ELF2: variants seen among roughly 807,000 people sequenced by gnomAD.
ELF2 encodes ETS-related transcription factor Elf-2.
ELF2 carries 11 observed loss-of-function variants against 54.8 expected under a neutral mutation model. That is an observed-to-expected ratio of 0.20 (90% CI 0.13 to 0.33). ELF2 has a LOEUF of 0.33. ELF2 is among the 10% of genes least tolerant of loss of function. The pLI is 1.00. For synonymous variants in ELF2, 203 were observed against 245.1 expected, an observed-to-expected ratio of 0.83 and a Z score of 1.61; for missense variants, 513 against 703.0, an observed-to-expected ratio of 0.73 and a Z score of 3.06.
intron 1 of ELF2, among the ~76,000 whole-genome samples, chr4:139,152,757 C>CTTTAA (rs886729738): frequency 6.6e-5 from 10 of 151,984 alleles, no homozygotes; most frequent in African/African-American, 2.4e-4. Flanking sequence ...GAAATCAATG[C>CTTTAA]TTTAAGTACT....
chr4:139,124,978 T>C (rs971181930), intron 4 of ELF2, among the ~76,000 whole-genome samples, 186 bp downstream of exon 4: 3 of 152,228 alleles, frequency 2.0e-5, no homozygotes, highest in South Asian at 4.1e-4. Flanking sequence ...TTACACCTCA[T>C]AGAATTATAC....
intron 7 of ELF2, among the ~76,000 whole-genome samples, chr4:139,062,481 T>C (rs945311047): frequency 6.6e-6 from 1 of 152,170 alleles, no homozygotes; most frequent in African/African-American, 2.4e-5. Flanking sequence ...TGTTTCTACT[T>C]TTAAAAAAAT....
intron 6 of ELF2, among the ~76,000 whole-genome samples, chr4:139,070,372 C>G (rs578044448): frequency 6.7e-6 from 1 of 150,342 alleles, no homozygotes; most frequent in South Asian, 2.1e-4. Context: ...CTCACTACAA[C>G]CTCCACCTCT....
chr4:139,087,260 A>T (rs1160932742), intron 4 of ELF2, among the ~76,000 whole-genome samples: 1 of 152,214 alleles, frequency 6.6e-6, no homozygotes, highest in Non-Finnish European at 1.5e-5. Context: ...TAAGTATTGC[A>T]GCTAGTCATT....
chr4:139,133,689 G>A (rs1737799673), intron 3 of ELF2, among the ~76,000 whole-genome samples: 3 of 149,266 alleles, frequency 2.0e-5, no homozygotes, highest in Non-Finnish European at 4.4e-5. Context: ...AGCTGCACCT[G>A]AACTCCTGGG....
chr4:139,124,649 C>T (rs898216488), intron 4 of ELF2, among the ~76,000 whole-genome samples: 1 of 152,016 alleles, frequency 6.6e-6, no homozygotes, highest in South Asian at 2.1e-4. Flanking sequence ...AGCTATCTCA[C>T]CAGAAATAGA....
chr4:139,121,190 G>C (rs1209817591), intron 4 of ELF2, among the ~76,000 whole-genome samples: 1 of 129,186 alleles, frequency 7.7e-6, no homozygotes, highest in Non-Finnish European at 1.6e-5. Flanking sequence ...CTCACTGCAA[G>C]CTCCGCCTCC....
chr4:139,141,341 C>T (rs1287838267), intron 1 of ELF2, among the ~76,000 whole-genome samples: 1 of 152,178 alleles, frequency 6.6e-6, no homozygotes, highest in Non-Finnish European at 1.5e-5. Context: ...CCCTTGTCTG[C>T]AGCCAACTCC....
intron 4 of ELF2, among the ~76,000 whole-genome samples, chr4:139,082,318 C>T (rs1024874235): frequency 4.6e-5 from 7 of 152,092 alleles, no homozygotes; most frequent in African/African-American, 1.4e-4. Flanking sequence ...AATATAAAGC[C>T]AAAAATTCCA....
intron 2 of ELF2, among the ~76,000 whole-genome samples, chr4:139,138,630 G>C (rs1333090170): frequency 1.3e-5 from 2 of 152,096 alleles, no homozygotes; most frequent in African/African-American, 2.4e-5. Flanking sequence ...CATCTGGTTT[G>C]TCTGAACAAT....
intron 3 of ELF2, among the ~76,000 whole-genome samples, chr4:139,126,419 T>C (rs1578868542): frequency 6.8e-6 from 1 of 146,692 alleles, no homozygotes; most frequent in African/African-American, 2.5e-5. Context: ...AAGAAAGAAG[T>C]AAATCAATAA....
chr4:139,172,538 A>G (rs938471575), intron 1 of ELF2, among the ~76,000 whole-genome samples: 1 of 152,164 alleles, frequency 6.6e-6, no homozygotes, highest in Admixed American at 6.6e-5. Context: ...TATTTTACTT[A>G]ACAATGGCTC....
intron 1 of ELF2, among the ~76,000 whole-genome samples, chr4:139,166,862 C>T (rs1402970173): frequency 5.3e-5 from 8 of 152,022 alleles, no homozygotes; most frequent in African/African-American, 9.6e-5. Context: ...TGTGAGACTC[C>T]GTCTCAAAAA....
intron 4 of ELF2, 121 bp from the exon 5 acceptor site, chr4:139,073,688 A>C: frequency 2.1e-6 from 1 of 469,876 alleles, no homozygotes. Context: ...AATATAAAAT[A>C]ACATGACTAA....
chr4:139,147,554 C>G (rs897769627), intron 1 of ELF2, among the ~76,000 whole-genome samples: 3 of 152,192 alleles, frequency 2.0e-5, no homozygotes. Context: ...TCACGGCAAC[C>G]TCCTTCCCCT....
chr4:139,162,357 C>T (rs544615425), intron 1 of ELF2, among the ~76,000 whole-genome samples: 2 of 152,160 alleles, frequency 1.3e-5, no homozygotes, highest in East Asian at 3.9e-4. Flanking sequence ...CACGGTGAAA[C>T]CCCGTCTCTA....
In ELF2 at chr4:139,071,972, G is replaced by A; in HGVS notation, c.420C>T (p.Val140=). 2 of 1,613,934 alleles carry A rather than the reference G, an allele frequency of 1.2e-6. No homozygotes were observed. The highest frequency in any genetic ancestry group is 1.7e-6 in the Non-Finnish European group (2 of 1,179,976). The change falls in exon 6 of 10, where the codon GTC becomes GTT. Residue 140 remains valine, a synonymous_variant. Transcript: ENST00000686138. The part of the protein sequence containing the change: ...EFIHAAMRPD[V]ITETVVEVST... ...ACACCTCCACTACAGTTTCTGTAAT[G>A]ACATCTGGCCTCATAGCAGCATGGA...
chr4:139,164,907 G>C (rs531822691), intron 1 of ELF2, among the ~76,000 whole-genome samples: 53 of 152,256 alleles, frequency 3.5e-4, no homozygotes, highest in Middle Eastern at 3.4e-3. Flanking sequence ...CAAGGTACTA[G>C]TTTTCCTGTT....
chr4:139,085,127 T>C (rs1431424151), intron 4 of ELF2, among the ~76,000 whole-genome samples: 1 of 152,202 alleles, frequency 6.6e-6, no homozygotes, highest in Admixed American at 6.5e-5. Context: ...AAAACTAACC[T>C]AATTACAAAT....
Sources: gnomAD v4.1 joint callset for allele counts (sites outside exome capture counted in the v4.1 genomes callset) on GRCh38, gnomAD v4.1.1 for gene constraint, MANE v1.5 for transcripts, NCBI Gene and HGNC (gene_info 2026-07-23, HGNC 2026-07-21) for gene names.